CPB1: variants seen among roughly 807,000 people sequenced by gnomAD.
CPB1 encodes the protein carboxypeptidase B1, also known as carboxypeptidase B.
CPB1 carries 53 observed loss-of-function variants against 51.4 expected under a neutral mutation model. The observed-to-expected ratio is 1.03, with a 90% confidence interval of 0.83 to 1.30. The LOEUF (loss-of-function observed/expected upper bound fraction) is 1.30, where lower values mean the gene tolerates loss of function less well. Ranked by LOEUF, CPB1 falls within the 50% of genes most tolerant of loss-of-function variation. The pLI, the probability that CPB1 is intolerant of heterozygous loss-of-function variation, is 0.00. For missense variants in CPB1, 494 were observed against 516.2 expected, an observed-to-expected ratio of 0.96 and a Z score of 0.42; for synonymous variants, 189 against 186.9, an observed-to-expected ratio of 1.01 and a Z score of -0.09.
At chr3:148,853,062 G>A (rs1455956199) in intron 9 of CPB1, among the ~76,000 whole-genome samples, 1 of 152,162 alleles carries the variant, frequency 6.6e-6, no homozygotes, top group East Asian at 1.9e-4. Context: ...ATTATCGCAG[G>A]ACAGAAGGAA....
At chr3:148,841,137 T>C (rs1238987804) in intron 5 of CPB1, among the ~76,000 whole-genome samples, 162 bp downstream of exon 5, 1 of 152,228 alleles carries the variant, frequency 6.6e-6, no homozygotes, top group East Asian at 1.9e-4. Flanking sequence ...TCTTTTATCA[T>C]ATGTGGATTT....
At chr3:148,856,096 C>T (rs535270075) in intron 9 of CPB1, 3 of 152,206 alleles carry the variant, frequency 2.0e-5, no homozygotes, top group East Asian at 3.9e-4. Flanking sequence ...TATATTTAGG[C>T]CACAACAGTA....
At chr3:148,856,694 C>T (rs948883502) in intron 9 of CPB1, 3 of 152,120 alleles carry the variant, frequency 2.0e-5, no homozygotes, top group Non-Finnish European at 2.9e-5. Flanking sequence ...AGTTTCTGAG[C>T]GCAGAGAGCC....
At chr3:148,847,071 A>G (rs1395724585) in intron 9 of CPB1, among the ~76,000 whole-genome samples, 1 of 150,650 alleles carries the variant, frequency 6.6e-6, no homozygotes, top group Non-Finnish European at 1.5e-5. Flanking sequence ...TCATAACTAC[A>G]TACTAATGAG....
Position 148,841,786 on chromosome 3 carries a change from T to A in CPB1, c.475-37T>A, listed in dbSNP as rs773570432. The stretch of plus-strand genomic sequence containing the variant: ...AGGTTAACCCCTGAATGTCCTATGA[T>A]GAATCATGGTTTCCCTTTTCCTTTT... On this transcript the variant is annotated intron_variant, in intron 5 of 10. Coordinates refer to ENST00000282957, the MANE Select transcript of CPB1 (RefSeq NM_001871.3). 15 of 1,566,286 alleles carry A rather than the reference T, an allele frequency of 9.6e-6. No homozygotes were observed. The South Asian group carries it at 1.6e-4, about 16-fold the overall frequency.
chr3:148,852,140 T>C (rs759616810), intron 9 of CPB1, among the ~76,000 whole-genome samples: 6 of 152,242 alleles, frequency 3.9e-5, no homozygotes, highest in Non-Finnish European at 5.9e-5. Context: ...AAGATAGCTG[T>C]AATGTCATCA....
intron 2 of CPB1, among the ~76,000 whole-genome samples, chr3:148,830,561 G>C (rs1274106147): frequency 6.6e-6 from 1 of 152,188 alleles, no homozygotes; most frequent in Non-Finnish European, 1.5e-5. Context: ...TGTGTTTGCT[G>C]TTACTACTAT....
At chr3:148,832,916 T>C (rs1712783796) in intron 2 of CPB1, among the ~76,000 whole-genome samples, 1 of 152,172 alleles carries the variant, frequency 6.6e-6, no homozygotes, top group Non-Finnish European at 1.5e-5. Flanking sequence ...TTATGTGCTT[T>C]GCCAATTCTC....
intron 9 of CPB1, chr3:148,856,015 G>A (rs1174648252): frequency 6.6e-6 from 1 of 152,078 alleles, no homozygotes. Context: ...GGAACCTAAG[G>A]GTTTAAACAA....
At chr3:148,839,929 CACACACACAT>C (rs199915747) in intron 3 of CPB1, among the ~76,000 whole-genome samples, 5,181 of 150,824 alleles carry the variant, frequency 0.034, 131 homozygotes, top group Admixed American at 0.084. Context: ...GAAGTGAAGT[CACACACACAT>C]ACACACACAC....
At chr3:148,850,580 G>A (rs538363004) in intron 9 of CPB1, among the ~76,000 whole-genome samples, 10 of 152,140 alleles carry the variant, frequency 6.6e-5, no homozygotes, top group Admixed American at 1.3e-4. Context: ...GGGAGCCACC[G>A]CGCCCGTCTT....
intron 6 of CPB1, 120 bp from the exon 7 acceptor site, chr3:148,844,358 T>C (rs573286439): frequency 4.7e-6 from 3 of 640,986 alleles, no homozygotes; most frequent in South Asian, 4.2e-5. Flanking sequence ...ATTAATATTG[T>C]CCACCTCAAT....
intron 3 of CPB1, among the ~76,000 whole-genome samples, chr3:148,838,640 A>T (rs886548934): frequency 1.3e-5 from 2 of 152,206 alleles, no homozygotes; most frequent in South Asian, 2.1e-4. Context: ...TAACTGGGAA[A>T]TTTTTATTTT....
At chr3:148,836,211 C>T (rs968615147) in intron 3 of CPB1, among the ~76,000 whole-genome samples, 4 of 151,848 alleles carry the variant, frequency 2.6e-5, no homozygotes, top group African/African-American at 9.7e-5. Context: ...CATTATCATG[C>T]CTCACAAAGC....
At chr3:148,843,063 G>A (rs62274572) in intron 6 of CPB1, among the ~76,000 whole-genome samples, 15,021 of 152,142 alleles carry the variant, frequency 0.099, 1,009 homozygotes, top group African/African-American at 0.17. Context: ...CTGAAGACCT[G>A]TCACAGATCA....
In CPB1 at chr3:148,844,723, G is replaced by A; in HGVS notation, c.734G>A (p.Cys245Tyr). 1 of 1,613,996 alleles carries A rather than the reference G, an allele frequency of 6.2e-7. No homozygotes were observed. Among genetic ancestry groups the A allele is most frequent in the South Asian group, 1.1e-5 (1 of 91,082 alleles). Residue 245 changes from cysteine to tyrosine, a missense_variant, in exon 8 of 11, where the codon TGC (cysteine) becomes TAC (tyrosine). Coordinates refer to ENST00000282957, the MANE Select transcript of CPB1 (RefSeq NM_001871.3). ...KTRSTHTGSS[C>Y]IGTDPNRNFD... ...CGCTCCACCCATACTGGATCTAGCT[G>A]CATTGGCACAGACCCCAACAGAAAT...
At chr3:148,853,058 G>A (rs949587607) in intron 9 of CPB1, among the ~76,000 whole-genome samples, 2 of 152,078 alleles carry the variant, frequency 1.3e-5, no homozygotes, top group Admixed American at 6.5e-5. Context: ...ACCCATTATC[G>A]CAGGACAGAA....
chr3:148,855,255 T>C (rs1027870068), intron 9 of CPB1: 1 of 152,138 alleles, frequency 6.6e-6, no homozygotes, highest in Non-Finnish European at 1.5e-5. Context: ...AACTTAGGCA[T>C]AAACTAAATG....
intron 8 of CPB1, 146 bp downstream of exon 8, chr3:148,844,913 AGTTTAATTCATTTGACC>A: frequency 1.4e-6 from 1 of 726,522 alleles, no homozygotes; most frequent in Non-Finnish European, 2.2e-6. Context: ...AAAAAAAACC[AGTTTAATTCATTTGACC>A]AAAACATATT....
Sources: gnomAD v4.1 joint callset for allele counts (sites outside exome capture counted in the v4.1 genomes callset) on GRCh38, gnomAD v4.1.1 for gene constraint, MANE v1.5 for transcripts, NCBI Gene and HGNC (gene_info 2026-07-23, HGNC 2026-07-21) for gene names.